The following TRIP11 variants were observed in gnomAD, a reference collection of about 807,000 sequenced individuals.
The protein encoded by TRIP11 is thyroid receptor-interacting protein 11.
A neutral mutation model predicts 223.1 loss-of-function variants in TRIP11; 148 were observed. That is an observed-to-expected ratio of 0.66 (90% CI 0.58 to 0.76). The LOEUF (loss-of-function observed/expected upper bound fraction) is 0.76. TRIP11 is among the 30% of genes least tolerant of loss of function. The pLI is 0.00. For synonymous variants in TRIP11, 762 were observed against 772.6 expected, an observed-to-expected ratio of 0.99 and a Z score of 0.23; for missense variants, 2,043 against 2,222.0, an observed-to-expected ratio of 0.92 and a Z score of 1.62.
chr14:92,021,069 C>CAAA (rs1195189927), intron 4 of TRIP11, among the ~76,000 whole-genome samples: 3 of 65,340 alleles, frequency 4.6e-5, no homozygotes, highest in Non-Finnish European at 6.3e-5. Flanking sequence ...GACTCTGTCT[C>CAAA]AAAAAAAAAA....
At position 91,988,574 on chromosome 14, in the gene TRIP11, A is replaced by G. The variant is rs1361476961; in HGVS notation, c.5161-191T>C. Among the ~76,000 whole-genome samples, 3 of 151,112 alleles carry G rather than the reference A, an allele frequency of 2.0e-5. No homozygotes were observed. The East Asian group carries it at 5.9e-4, about 30-fold the overall frequency. On this transcript the variant is annotated intron_variant, in intron 15 of 20. Transcript: ENST00000267622. ...ATTCTTTTCAATACAATACTGCCTCATTTAGAGGAACTAAATAAAAAGAGC... is the reference window on the plus strand; with the variant it reads ...ATTCTTTTCAATACAATACTGCCTCGTTTAGAGGAACTAAATAAAAAGAGC...
chr14:91,991,672 A>G (rs936104160), intron 15 of TRIP11, among the ~76,000 whole-genome samples: 3 of 152,238 alleles, frequency 2.0e-5, no homozygotes, highest in African/African-American at 7.2e-5. Flanking sequence ...TATTAATAAA[A>G]TGGGTAAATT....
At chr14:92,029,051 T>G (rs1184983552) in intron 2 of TRIP11, among the ~76,000 whole-genome samples, 1 of 152,186 alleles carries the variant, frequency 6.6e-6, no homozygotes, top group Non-Finnish European at 1.5e-5. Flanking sequence ...ACCGTGGATC[T>G]TTTTATAAAT....
chr14:92,039,998 G>C lies in TRIP11; in HGVS notation c.-313C>G. 4 of 464,812 alleles carry C rather than the reference G, an allele frequency of 8.6e-6. No homozygotes were observed. The highest frequency in any genetic ancestry group is 1.6e-5 in the Non-Finnish European group (4 of 252,114). The allele number at this position is 464,812 out of a possible 1,614,324, so 28.8% of individuals were successfully genotyped here. On this transcript the variant is annotated 5_prime_UTR_variant, in exon 1 of 21. Coordinates refer to ENST00000267622, the MANE Select transcript of TRIP11 (RefSeq NM_004239.4). ...TCTAATGACTTTCCTCAGTTCCGTGGGTTACTCCTGCCAACTCGACGCCGG... is the reference window on the plus strand; with the variant it reads ...TCTAATGACTTTCCTCAGTTCCGTGCGTTACTCCTGCCAACTCGACGCCGG...
At chr14:92,008,579 G>C (rs7150557) in intron 9 of TRIP11, among the ~76,000 whole-genome samples, 23,972 of 152,034 alleles carry the variant, frequency 0.16, 2,501 homozygotes, top group African/African-American at 0.3. Flanking sequence ...CTCAGAAGTG[G>C]GACAGTTCTC....
rs1266547585 is a variant in TRIP11, at chr14:91,974,629, T to C, written c.5572A>G (p.Ser1858Gly). The C allele has an allele frequency of 2.5e-6, 4 of 1,609,834 alleles. No homozygotes were observed. The highest frequency in any genetic ancestry group is 3.4e-6 in the Non-Finnish European group (4 of 1,177,910). The part of the protein sequence containing the change: ...LRPNQQSVVN[S>G]SFSELFVKFL... ...GCAAGAATAAAATTGTTTCTTACACTATTAACCACAGATTGCTGATTTGGT... is the reference window on the plus strand; with the variant it reads ...GCAAGAATAAAATTGTTTCTTACACCATTAACCACAGATTGCTGATTTGGT... The change falls in exon 19 of 21, where the codon AGT (serine) becomes GGT (glycine). Residue 1858 changes from serine (S) to glycine (G), a missense_variant and splice_region_variant. Physicochemically the swap from Ser to Gly is moderately conservative, Grantham distance 56. Coordinates refer to ENST00000267622, the MANE Select transcript of TRIP11 (RefSeq NM_004239.4).
At chr14:92,021,123 T>C (rs1372427729) in intron 4 of TRIP11, among the ~76,000 whole-genome samples, 1 of 150,048 alleles carries the variant, frequency 6.7e-6, no homozygotes, top group African/African-American at 2.5e-5. Flanking sequence ...CCAGGCGCAG[T>C]GGCTCACACT....
chr14:92,023,714 T>C (rs1411002988), intron 3 of TRIP11, among the ~76,000 whole-genome samples: 3 of 152,230 alleles, frequency 2.0e-5, no homozygotes, highest in African/African-American at 7.2e-5. Context: ...TATCATAATG[T>C]TTATAACTCA....
intron 13 of TRIP11, among the ~76,000 whole-genome samples, chr14:91,996,103 G>C (rs2056747773): frequency 6.6e-6 from 1 of 152,106 alleles, no homozygotes. Flanking sequence ...TCCATCTCCA[G>C]AACTTTTCTC....
rs1469283198 is a variant in TRIP11, at chr14:92,037,053, A to G, written c.139+2494T>C. On this transcript the variant is annotated intron_variant, in intron 1 of 20. Transcript: ENST00000267622. The surrounding 1 kb of genome is among the most constrained non-coding windows in gnomAD (Gnocchi z 4.2). ...GACCCCTATTTTTAAAAATTTACAA[A>G]ATCAATAAATTAGGTGTTAAGCAAG... Among the ~76,000 whole-genome samples the G allele has an allele frequency of 6.6e-6, 1 of 152,198 alleles. No homozygotes were observed. Among genetic ancestry groups the G allele is most frequent in the African/African-American group, 2.4e-5 (1 of 41,436 alleles).
chr14:91,974,977 T>TAA (rs1284385550), intron 18 of TRIP11, among the ~76,000 whole-genome samples, 195 bp downstream of exon 18: 2 of 152,246 alleles, frequency 1.3e-5, no homozygotes, highest in Non-Finnish European at 2.9e-5. Flanking sequence ...GAGTAGTTTG[T>TAA]AAGTTACAAA....
intron 2 of TRIP11, among the ~76,000 whole-genome samples, chr14:92,027,617 T>C (rs938059840): frequency 6.6e-6 from 1 of 152,136 alleles, no homozygotes; most frequent in Non-Finnish European, 1.5e-5. Flanking sequence ...ACTAAAACTC[T>C]CTACAAAAAA....
Position 92,037,867 on chromosome 14 carries a change from T to A in TRIP11, c.139+1680A>T, listed in dbSNP as rs2235977. Among the ~76,000 whole-genome samples, 1 of 152,160 alleles carries A rather than the reference T, an allele frequency of 6.6e-6. No individual in the cohort carries two copies. Among genetic ancestry groups the A allele is most frequent in the African/African-American group, 2.4e-5 (1 of 41,444 alleles). ...TCCAGCCTACGCAACAGAGTGAGAC[T>A]CAGTCCAAAACTAAGAGGTTTGGAT... On this transcript the variant is annotated intron_variant, in intron 1 of 20. Transcript: ENST00000267622. The surrounding 1 kb of genome is among the most constrained non-coding windows in gnomAD (Gnocchi z 4.2).
At chr14:92,017,994 A>G (rs556955903) in intron 4 of TRIP11, among the ~76,000 whole-genome samples, 2 of 152,236 alleles carry the variant, frequency 1.3e-5, no homozygotes, top group African/African-American at 4.8e-5. Flanking sequence ...CAAAATAACT[A>G]AAGTTAAGGT....
chr14:91,985,006 T>C (rs919366481), intron 16 of TRIP11, among the ~76,000 whole-genome samples: 2 of 152,220 alleles, frequency 1.3e-5, no homozygotes, highest in African/African-American at 4.8e-5. Context: ...GTAGGATTTA[T>C]TTTCTTCGTT....
At position 92,006,196 on chromosome 14, in the gene TRIP11, T is replaced by G. The variant is rs1237859139; in HGVS notation, c.1780A>C (p.Lys594Gln). The change falls in exon 11 of 21, where the codon AAA (lysine) becomes CAA (glutamine). Residue 594 changes from lysine to glutamine, a missense_variant. Lys to Gln is a moderately conservative substitution (Grantham distance 53). Transcript: ENST00000267622. ...KVENLVDQLN[K>Q]SQESNVSIQK... ...ATGCTTACATTACTTTCTTGTGATT[T>G]ATTTAGCTGATCTACTAAATTTTCT... 5.6e-6 allele frequency: 9 copies of G among 1,613,386 alleles called. No individual in the cohort carries two copies. Among genetic ancestry groups the G allele is most frequent in the South Asian group, 4.4e-5 (4 of 90,996 alleles).
chr14:92,001,059 C>A (rs535852315), intron 11 of TRIP11, among the ~76,000 whole-genome samples: 14 of 152,108 alleles, frequency 9.2e-5, no homozygotes, highest in Middle Eastern at 3.4e-3. Flanking sequence ...CAGGGTTACA[C>A]CATGTTGGCC....
chr14:91,976,109 T>C lies in TRIP11; in HGVS notation c.5341A>G (p.Lys1781Glu). Reference protein sequence around the residue: ...LANSSEGKVDKVLMRNLFIGH... With the variant: ...LANSSEGKVDEVLMRNLFIGH... ...AAACATTAAAAGCAAAAAGCATACT[T>C]GTCTACTTTTCCTTCTGAGCTGTTT... Residue 1781 changes from lysine to glutamate, a missense_variant and splice_region_variant, in exon 17 of 21, where the codon AAA becomes GAA. Transcript: ENST00000267622. The C allele has an allele frequency of 6.2e-7, 1 of 1,611,396 alleles. No homozygotes were observed. The highest frequency in any genetic ancestry group is 8.5e-7 in the Non-Finnish European group (1 of 1,179,194).
In TRIP11 at chr14:91,994,058, C is replaced by T. The variant is rs74073635; in HGVS notation, c.5057-146G>A. 9,332 of 653,882 alleles carry T rather than the reference C, an allele frequency of 0.014. 344 individuals carry two copies. Among genetic ancestry groups the T allele is most frequent in the African/African-American group, 0.098 (5,382 of 55,148 alleles). 40.5% of individuals were successfully genotyped at this position (653,882 alleles called of 1,614,324 possible). On this transcript the variant is annotated intron_variant, in intron 14 of 20. Coordinates refer to ENST00000267622, the MANE Select transcript of TRIP11 (RefSeq NM_004239.4). ...TATATGCCTTAGTGATAATGTTAAG[C>T]GGTACTAAACTAATGAGATCACTTT...
Sources: allele counts gnomAD v4.1 joint callset (sites outside exome capture counted in the v4.1 genomes callset), GRCh38; gene constraint gnomAD v4.1.1; non-coding constraint Gnocchi (gnomAD v3.1); transcripts MANE v1.5; gene names NCBI Gene and HGNC (gene_info 2026-07-23, HGNC 2026-07-21).